Variants in ZBTB20 observed in about 807,000 individuals in gnomAD.
The protein encoded by ZBTB20 is zinc finger and BTB domain-containing protein 20.
Under a neutral mutation model 56.9 loss-of-function variants are expected in ZBTB20, and 9 were observed. That is an observed-to-expected ratio of 0.16 (90% CI 0.10 to 0.28). The LOEUF (loss-of-function observed/expected upper bound fraction) is 0.28, where lower values mean the gene tolerates loss of function less well. Ranked by LOEUF, ZBTB20 falls within the 10% of genes least tolerant of loss-of-function variation. The probability of loss-of-function intolerance (pLI) is 1.00; values close to 1 mark genes in which losing one functional copy is unlikely to be tolerated. For synonymous variants in ZBTB20, 417 were observed against 420.7 expected (o/e 0.99, Z 0.11); for missense variants, 655 against 1,003.0 (o/e 0.65, Z 4.69).
intron 7 of ZBTB20, among the ~76,000 whole-genome samples, chr3:114,416,766 T>A (rs1559761162): frequency 6.6e-6 from 1 of 152,112 alleles, no homozygotes; most frequent in Non-Finnish European, 1.5e-5. Flanking sequence ...TATGCTCCGG[T>A]TTGAAACTTG....
intron 7 of ZBTB20, among the ~76,000 whole-genome samples, chr3:114,462,395 T>C (rs898137642): frequency 2.6e-5 from 4 of 152,252 alleles, no homozygotes; most frequent in Non-Finnish European, 5.9e-5. Flanking sequence ...TCTACCTTTC[T>C]ATTTATCAGG....
intron 5 of ZBTB20, among the ~76,000 whole-genome samples, chr3:114,724,310 A>T (rs536986425): frequency 2.0e-4 from 30 of 152,314 alleles, no homozygotes; most frequent in Non-Finnish European, 1.5e-5. Flanking sequence ...AGCTCATCAC[A>T]TGGTAACACT....
chr3:114,345,548 A>T (rs753450642), intron 11 of ZBTB20, among the ~76,000 whole-genome samples: 66 of 152,350 alleles, frequency 4.3e-4, no homozygotes, highest in Admixed American at 6.5e-4. Flanking sequence ...GTGGAATTTT[A>T]AAAAATGTTA....
intron 2 of ZBTB20, among the ~76,000 whole-genome samples, chr3:114,999,981 T>G (rs991158643): frequency 2.2e-4 from 33 of 151,700 alleles, no homozygotes; most frequent in Non-Finnish European, 4.0e-4. Flanking sequence ...AATGTTATAT[T>G]TGTTTAAGGC....
intron 5 of ZBTB20, among the ~76,000 whole-genome samples, chr3:114,733,750 G>A (rs536263927): frequency 7.9e-5 from 12 of 152,124 alleles, no homozygotes; most frequent in African/African-American, 2.2e-4. Flanking sequence ...TGCTATCAAC[G>A]GCATCATGTA....
intron 4 of ZBTB20, among the ~76,000 whole-genome samples, chr3:114,840,902 G>A (rs1268285983): frequency 1.3e-5 from 2 of 151,868 alleles, no homozygotes; most frequent in African/African-American, 4.8e-5. Context: ...TTCAAGAACC[G>A]ATCTTTCTTA....
Position 114,320,878 on chromosome 3 carries a change from A to AAGAT in ZBTB20, c.*18123_*18126dup, listed in dbSNP as rs1235345786. The AAGAT allele has an allele frequency of 2.6e-5, 4 of 152,238 alleles. No individual in the cohort carries two copies. The highest frequency in any genetic ancestry group is 5.9e-5 in the Non-Finnish European group (4 of 68,046). The allele number at this position is 152,238 out of a possible 1,614,324, so 9.4% of individuals were successfully genotyped here. On this transcript the variant is annotated 3_prime_UTR_variant, in exon 12 of 12. Coordinates refer to ENST00000675478, the MANE Select transcript of ZBTB20 (RefSeq NM_001348800.3). Reference sequence around the variant, plus strand: ...AGATTAAAATGAAAAGGGGTATAGAAAGATATATTTTAGATAATATAAACT... The same window carrying AAGAT: ...AGATTAAAATGAAAAGGGGTATAGAAAGATAGATATATTTTAGATAATATAAACT...
intron 4 of ZBTB20, among the ~76,000 whole-genome samples, chr3:114,872,866 T>A (rs2076061434): frequency 6.6e-6 from 1 of 152,220 alleles, no homozygotes; most frequent in East Asian, 1.9e-4. Context: ...TAGCTAGAAA[T>A]TACTTATTTC....
chr3:114,788,938 G>A (rs1261992793), intron 5 of ZBTB20, among the ~76,000 whole-genome samples: 1 of 152,120 alleles, frequency 6.6e-6, no homozygotes, highest in Non-Finnish European at 1.5e-5. Flanking sequence ...CAGATCTCAT[G>A]AGACTTATTC....
intron 6 of ZBTB20, among the ~76,000 whole-genome samples, chr3:114,569,838 C>T (rs2053218770): frequency 6.6e-6 from 1 of 152,154 alleles, no homozygotes; most frequent in Non-Finnish European, 1.5e-5. Context: ...ATCTCTGTTG[C>T]ACAGATGATT....
intron 7 of ZBTB20, among the ~76,000 whole-genome samples, chr3:114,461,325 G>C (rs1225052641): frequency 6.6e-6 from 1 of 150,730 alleles, no homozygotes; most frequent in Non-Finnish European, 1.5e-5. Context: ...TTTGAGACAG[G>C]GTCTTGCTCT....
At chr3:114,847,103 C>A (rs2074744161) in intron 4 of ZBTB20, among the ~76,000 whole-genome samples, 1 of 152,128 alleles carries the variant, frequency 6.6e-6, no homozygotes, top group African/African-American at 2.4e-5. Context: ...TTTAGTACCA[C>A]AACCAATTAA....
rs370089919 is a variant in ZBTB20 at position 114,422,144 on chromosome 3, A to G, written c.-254-33039T>C. Among the ~76,000 whole-genome samples the G allele has an allele frequency of 5.3e-5, 8 of 152,290 alleles. No homozygotes were observed. In the East Asian group the frequency reaches 7.7e-4, roughly 15 times the overall value. Reference sequence around the variant, plus strand: ...TCACTACGGCATGATAGAGGGTAAAATGAAGAGAAATGAAAGACTAACTAC... The same window carrying G: ...TCACTACGGCATGATAGAGGGTAAAGTGAAGAGAAATGAAAGACTAACTAC... On this transcript the variant is annotated intron_variant, in intron 7 of 11. Coordinates refer to ENST00000675478, the MANE Select transcript of ZBTB20 (RefSeq NM_001348800.3).
chr3:114,433,746 T>C (rs905197470), intron 7 of ZBTB20, among the ~76,000 whole-genome samples: 8 of 152,278 alleles, frequency 5.3e-5, no homozygotes, highest in African/African-American at 1.9e-4. Context: ...TAAGACAGTA[T>C]GTAATCAGTG....
intron 4 of ZBTB20, among the ~76,000 whole-genome samples, chr3:114,884,915 C>G (rs1408097611): frequency 6.6e-6 from 1 of 152,212 alleles, no homozygotes; most frequent in Non-Finnish European, 1.5e-5. Context: ...GGTACCAGAG[C>G]AGACAATGAA....
intron 4 of ZBTB20, among the ~76,000 whole-genome samples, chr3:114,820,886 T>C (rs984339689): frequency 2.0e-5 from 3 of 152,222 alleles, no homozygotes; most frequent in South Asian, 4.1e-4. Flanking sequence ...GACTTATTGA[T>C]AAAATTTACC....
At chr3:114,844,872 T>TG (rs977648178) in intron 4 of ZBTB20, among the ~76,000 whole-genome samples, 6 of 150,564 alleles carry the variant, frequency 4.0e-5, no homozygotes, top group Non-Finnish European at 5.9e-5. Flanking sequence ...TTTTTTTTTT[T>TG]TTTTGGTGAA....
chr3:115,118,002 A>T (rs1365624880), intron 1 of ZBTB20, among the ~76,000 whole-genome samples: 1 of 152,136 alleles, frequency 6.6e-6, no homozygotes, highest in Non-Finnish European at 1.5e-5. Context: ...CACATTCACT[A>T]CCTGTGACCT....
chr3:114,871,101 G>C (rs1251884178), intron 4 of ZBTB20, among the ~76,000 whole-genome samples: 6 of 152,130 alleles, frequency 3.9e-5, no homozygotes, highest in African/African-American at 1.4e-4. Context: ...AGAAGGCCAT[G>C]ACTACTGACA....
Sources: allele counts gnomAD v4.1 joint callset (sites outside exome capture counted in the v4.1 genomes callset), GRCh38; gene constraint gnomAD v4.1.1; transcripts MANE v1.5; gene names NCBI Gene and HGNC (gene_info 2026-07-23, HGNC 2026-07-21).